Variants in RIT2 observed in about 807,000 individuals in gnomAD.
RIT2 encodes GTP-binding protein Rit2.
Under a neutral mutation model 23.7 loss-of-function variants are expected in RIT2, and 24 were observed. The observed-to-expected ratio is 1.01, with a 90% CI of 0.73 to 1.43. RIT2 has a LOEUF of 1.43. Ranked by LOEUF, RIT2 falls within the 40% of genes most tolerant of loss-of-function variation. The probability of loss-of-function intolerance (pLI) is 0.00; values close to 1 mark genes in which losing one functional copy is unlikely to be tolerated. For missense variants in RIT2, 236 were observed against 266.9 expected, an observed-to-expected ratio of 0.88 and a Z score of 0.81; for synonymous variants, 107 against 91.1, an observed-to-expected ratio of 1.17 and a Z score of -0.99.
At chr18:43,041,274 T>A (rs1912122801) in intron 1 of RIT2, among the ~76,000 whole-genome samples, 1 of 152,156 alleles carries the variant, frequency 6.6e-6, no homozygotes. Context: ...ATTTGCAATC[T>A]TTATAAAAGT....
At chr18:42,833,342 T>C (rs1156759677) in intron 4 of RIT2, among the ~76,000 whole-genome samples, 2 of 152,222 alleles carry the variant, frequency 1.3e-5, no homozygotes, top group African/African-American at 4.8e-5. Context: ...CTAAATCGTA[T>C]TCCATTCTGT....
chr18:42,773,007 C>T (rs938402019), intron 4 of RIT2, among the ~76,000 whole-genome samples: 12 of 152,158 alleles, frequency 7.9e-5, no homozygotes, highest in African/African-American at 2.7e-4. Context: ...AGACAACTTA[C>T]CCTCCAATCA....
intron 4 of RIT2, among the ~76,000 whole-genome samples, chr18:42,818,940 A>G (rs1168101366): frequency 1.3e-5 from 2 of 152,034 alleles, no homozygotes; most frequent in African/African-American, 2.4e-5. Context: ...GAGTCTTTAA[A>G]ATATGTTCCT....
intron 2 of RIT2, among the ~76,000 whole-genome samples, chr18:43,013,065 T>G (rs988903155): frequency 6.6e-6 from 1 of 151,774 alleles, no homozygotes; most frequent in African/African-American, 2.4e-5. Flanking sequence ...CTGATTCACC[T>G]TTTTCAGAAC....
intron 4 of RIT2, among the ~76,000 whole-genome samples, chr18:42,765,851 G>A (rs1222536470): frequency 1.3e-5 from 2 of 152,016 alleles, no homozygotes; most frequent in African/African-American, 4.8e-5. Flanking sequence ...TGAATCATGA[G>A]GGCTGGTCTT....
At chr18:42,753,758 T>C (rs1486722028) in intron 4 of RIT2, among the ~76,000 whole-genome samples, 1 of 152,234 alleles carries the variant, frequency 6.6e-6, no homozygotes, top group Non-Finnish European at 1.5e-5. Context: ...TTGATTTTGA[T>C]CAGTTTTAAT....
In RIT2 at chr18:42,880,054, C is replaced by T. The variant is rs142191973; in HGVS notation, c.426+43518G>A. ...TAATTTCTCTCTGTTGAGTTTAGGT[C>T]CATTTCCCTTAAGGGATCTGGTGTC... On this transcript the variant is annotated intron_variant, in intron 4 of 4. Transcript: ENST00000326695. Among the ~76,000 whole-genome samples the T allele has an allele frequency of 4.0e-3, 602 of 152,248 alleles. 2 individuals carry two copies. Among genetic ancestry groups the T allele is most frequent in the Non-Finnish European group, 6.1e-3 (413 of 68,020 alleles).
chr18:42,931,281 T>C (rs1162992159), intron 3 of RIT2, among the ~76,000 whole-genome samples: 1 of 152,166 alleles, frequency 6.6e-6, no homozygotes, highest in Non-Finnish European at 1.5e-5. Context: ...AGGATGAAGA[T>C]AAAAGGGAAA....
intron 4 of RIT2, among the ~76,000 whole-genome samples, chr18:42,899,880 A>G (rs1337628100): frequency 2.0e-5 from 3 of 152,164 alleles, no homozygotes; most frequent in Admixed American, 2.0e-4. Context: ...AGTTTAATTT[A>G]CACATTTTTA....
At chr18:43,054,037 G>A (rs536128010) in intron 1 of RIT2, among the ~76,000 whole-genome samples, 2 of 152,012 alleles carry the variant, frequency 1.3e-5, no homozygotes, top group East Asian at 3.9e-4. Context: ...GGCAGGATTT[G>A]GACACATTGG....
At chr18:42,790,099 A>T (rs1238756496) in intron 4 of RIT2, among the ~76,000 whole-genome samples, 1 of 152,116 alleles carries the variant, frequency 6.6e-6, no homozygotes, top group African/African-American at 2.4e-5. Flanking sequence ...TTTTGTCCTT[A>T]ATTTTGTTTA....
chr18:42,845,823 C>A (rs1434963335), intron 4 of RIT2, among the ~76,000 whole-genome samples: 1 of 151,476 alleles, frequency 6.6e-6, no homozygotes, highest in Non-Finnish European at 1.5e-5. Flanking sequence ...GAAGAAATCA[C>A]AATTAAACTT....
At chr18:42,754,974 C>T (rs1567988005) in intron 4 of RIT2, among the ~76,000 whole-genome samples, 1 of 152,146 alleles carries the variant, frequency 6.6e-6, no homozygotes, top group African/African-American at 2.4e-5. Flanking sequence ...CCTGGCTACA[C>T]CACTTTTTAG....
chr18:42,847,267 A>C (rs186756064), intron 4 of RIT2, among the ~76,000 whole-genome samples: 24 of 152,276 alleles, frequency 1.6e-4, no homozygotes, highest in African/African-American at 5.5e-4. Flanking sequence ...ACTACAGGAA[A>C]TAAAGAACTA....
chr18:42,858,726 A>G (rs187885786), intron 4 of RIT2, among the ~76,000 whole-genome samples: 1 of 152,308 alleles, frequency 6.6e-6, no homozygotes, highest in East Asian at 1.9e-4. Flanking sequence ...CTGGTCCCTG[A>G]GGCTGTGGCA....
At chr18:42,748,420 C>A (rs1011328624) in intron 4 of RIT2, among the ~76,000 whole-genome samples, 13 of 149,110 alleles carry the variant, frequency 8.7e-5, no homozygotes, top group Non-Finnish European at 1.6e-4. Flanking sequence ...TGGTCATTAT[C>A]AAAAAAAAAC....
intron 4 of RIT2, among the ~76,000 whole-genome samples, chr18:42,860,755 C>T (rs1320527017): frequency 6.6e-6 from 1 of 152,080 alleles, no homozygotes; most frequent in East Asian, 1.9e-4. Flanking sequence ...TGCCAGCAGA[C>T]TAGAGTTAAG....
chr18:42,944,173 T>G (rs1909670027), intron 3 of RIT2, among the ~76,000 whole-genome samples: 1 of 152,102 alleles, frequency 6.6e-6, no homozygotes, highest in Non-Finnish European at 1.5e-5. Flanking sequence ...ATATGCAGAC[T>G]GCCCCCTACC....
At chr18:42,779,938 T>C in intron 4 of RIT2, among the ~76,000 whole-genome samples, 1 of 151,894 alleles carries the variant, frequency 6.6e-6, no homozygotes, top group East Asian at 1.9e-4. Context: ...TTTTGCTAGG[T>C]AATGAAACTT....
Sources: gnomAD v4.1 joint callset for allele counts (sites outside exome capture counted in the v4.1 genomes callset) on GRCh38, gnomAD v4.1.1 for gene constraint, MANE v1.5 for transcripts, NCBI Gene and HGNC (gene_info 2026-07-23, HGNC 2026-07-21) for gene names.